BTBD7: variants seen among roughly 807,000 people sequenced by gnomAD.
BTBD7 encodes BTB/POZ domain-containing protein 7.
Under a neutral mutation model 99.9 loss-of-function variants are expected in BTBD7, and 38 were observed. The observed-to-expected ratio is 0.38, with a 90% CI of 0.29 to 0.50. BTBD7 has a LOEUF of 0.50. Ranked by LOEUF, BTBD7 falls within the 20% of genes least tolerant of loss-of-function variation. BTBD7 has a pLI of 0.93. For synonymous variants in BTBD7, 520 were observed against 511.4 expected, an observed-to-expected ratio of 1.02 and a Z score of -0.23; for missense variants, 1,170 against 1,394.6, an observed-to-expected ratio of 0.84 and a Z score of 2.57.
intron 3 of BTBD7, among the ~76,000 whole-genome samples, chr14:93,291,382 C>G (rs1016915743): frequency 2.6e-5 from 4 of 152,082 alleles, no homozygotes; most frequent in Non-Finnish European, 5.9e-5. Flanking sequence ...TAAGGTCAAA[C>G]TAAGACACGG....
intron 4 of BTBD7, among the ~76,000 whole-genome samples, chr14:93,262,697 T>C (rs1379116788): frequency 6.6e-6 from 1 of 152,124 alleles, no homozygotes; most frequent in African/African-American, 2.4e-5. Context: ...TACTGGTTAG[T>C]GAAGCACAAT....
chr14:93,315,613 C>T (rs1050165711), intron 1 of BTBD7, among the ~76,000 whole-genome samples: 8 of 152,172 alleles, frequency 5.3e-5, no homozygotes, highest in Non-Finnish European at 4.4e-5. Context: ...CTAATTTCTA[C>T]CTCTATTATT....
intron 1 of BTBD7, among the ~76,000 whole-genome samples, chr14:93,329,417 G>A (rs551784717): frequency 1.3e-4 from 20 of 152,186 alleles, no homozygotes; most frequent in Non-Finnish European, 2.6e-4. Flanking sequence ...GAACCCTTGT[G>A]CACTGCTGGT....
intron 1 of BTBD7, 107 bp from the exon 2 acceptor site, chr14:93,296,264 C>T (rs977842415): frequency 8.1e-6 from 6 of 742,984 alleles, no homozygotes; most frequent in African/African-American, 3.7e-5. Flanking sequence ...AATAACAACA[C>T]GCTGTCAAAT....
chr14:93,319,669 T>G (rs189656234), intron 1 of BTBD7, among the ~76,000 whole-genome samples: 22 of 152,316 alleles, frequency 1.4e-4, no homozygotes, highest in African/African-American at 4.3e-4. Flanking sequence ...TGCAGACTTA[T>G]TAATCAACGG....
At position 93,240,578 on chromosome 14, in the gene BTBD7, C is replaced by A. The variant is rs1245823099; in HGVS notation, c.*1695G>T. The A allele has an allele frequency of 6.6e-6, 1 of 152,530 alleles. No individual in the cohort carries two copies. The highest frequency in any genetic ancestry group is 1.5e-5 in the Non-Finnish European group (1 of 68,024). The allele number at this position is 152,530 out of a possible 1,614,324, so 9.4% of individuals were successfully genotyped here. On this transcript the variant is annotated 3_prime_UTR_variant, in exon 11 of 11. Coordinates refer to ENST00000334746, the MANE Select transcript of BTBD7 (RefSeq NM_001002860.4). ...TATACATACATAGAAAAGAGGATCC[C>A]AAATATCCTGCAGAGGAAGGAATGC... is the stretch of plus-strand genomic sequence containing the variant.
At chr14:93,324,388 C>T (rs946180431) in intron 1 of BTBD7, among the ~76,000 whole-genome samples, 1 of 147,468 alleles carries the variant, frequency 6.8e-6, no homozygotes, top group Non-Finnish European at 1.5e-5. Context: ...TATCACTGCA[C>T]TCCAGCCTGG....
At chr14:93,309,942 C>A (rs1408534730) in intron 1 of BTBD7, among the ~76,000 whole-genome samples, 1 of 149,282 alleles carries the variant, frequency 6.7e-6, no homozygotes, top group Non-Finnish European at 1.5e-5. Flanking sequence ...CAAGTTTCAA[C>A]CAACATTTAC....
intron 8 of BTBD7, among the ~76,000 whole-genome samples, chr14:93,249,596 T>C (rs2052349222): frequency 6.6e-6 from 1 of 152,220 alleles, no homozygotes. Flanking sequence ...GCTGTCTGCC[T>C]TTGTAAATAA....
intron 3 of BTBD7, among the ~76,000 whole-genome samples, chr14:93,266,755 T>C (rs1199213701): frequency 6.6e-6 from 1 of 152,214 alleles, no homozygotes; most frequent in East Asian, 1.9e-4. Flanking sequence ...AAACCGTTTC[T>C]ATAAGATGGT....
chr14:93,303,577 T>C (rs1248622700), intron 1 of BTBD7, among the ~76,000 whole-genome samples: 2 of 152,256 alleles, frequency 1.3e-5, no homozygotes, highest in Admixed American at 6.5e-5. Context: ...CTAGACGAAC[T>C]ACATCTTAAA....
chr14:93,304,842 T>C (rs1177225138), intron 1 of BTBD7, among the ~76,000 whole-genome samples: 2 of 152,224 alleles, frequency 1.3e-5, no homozygotes, highest in Non-Finnish European at 2.9e-5. Context: ...ATTGATAAGT[T>C]ACCATGGGTT....
At chr14:93,313,595 G>A (rs1360980945) in intron 1 of BTBD7, among the ~76,000 whole-genome samples, 1 of 151,900 alleles carries the variant, frequency 6.6e-6, no homozygotes, top group Non-Finnish European at 1.5e-5. Context: ...GAAATACAGA[G>A]AAATGAGTTG....
intron 1 of BTBD7, among the ~76,000 whole-genome samples, chr14:93,319,455 A>C (rs1442896511): frequency 6.6e-6 from 1 of 152,210 alleles, no homozygotes; most frequent in African/African-American, 2.4e-5. Flanking sequence ...GAAGAAGGAA[A>C]TATGGTGACA....
At chr14:93,244,247 T>C (rs1053904394) in intron 10 of BTBD7, 2 of 302,982 alleles carry the variant, frequency 6.6e-6, no homozygotes, top group South Asian at 3.3e-5. Context: ...TCTAAGAGGA[T>C]GCTGGCTATT....
chr14:93,250,083 T>C (rs1488426861), intron 8 of BTBD7, among the ~76,000 whole-genome samples: 1 of 152,142 alleles, frequency 6.6e-6, no homozygotes, highest in Non-Finnish European at 1.5e-5. Context: ...TAATACCATG[T>C]CCAAAGTCAT....
chr14:93,320,211 C>A (rs1245323641), intron 1 of BTBD7, among the ~76,000 whole-genome samples: 1 of 152,120 alleles, frequency 6.6e-6, no homozygotes, highest in East Asian at 1.9e-4. Context: ...AGTAAGTGGA[C>A]AGAATGATGT....
chr14:93,242,678 A>C lies in BTBD7; in HGVS notation c.2994T>G (p.Ser998=), dbSNP rs1305190171. Residue 998 remains serine, a synonymous_variant, in exon 11 of 11, where the codon TCT becomes TCG. Transcript: ENST00000334746. ...LKSAYLPGQT[S]PKKQEEARRE... ...TCCTAGCTTCTTCCTGTTTTTTAGG[A>C]GACGTCTGACCAGGTAGGTAGGCTG... 2 of 1,613,978 alleles carry C rather than the reference A, an allele frequency of 1.2e-6. No homozygotes were observed. Among genetic ancestry groups the C allele is most frequent in the Non-Finnish European group, 1.7e-6 (2 of 1,180,016 alleles).
chr14:93,294,861 T>C lies in BTBD7; in HGVS notation c.159A>G (p.Pro53=), dbSNP rs1259343613. ...LYSLDHGHEK[P]QDKKKRTSGL... is the part of the protein sequence containing the mutation. ...CAGAGGTTCTCTTTTTTTTGTCTTG[T>C]GGTTTCTCATGGCCATGGTCAAGGC... Residue 53 remains proline, a synonymous_variant, in exon 3 of 11, where the codon CCA becomes CCG. Coordinates refer to ENST00000334746, the MANE Select transcript of BTBD7 (RefSeq NM_001002860.4). 8 of 1,613,928 alleles carry C rather than the reference T, an allele frequency of 5.0e-6. No individual in the cohort carries two copies. The highest frequency in any genetic ancestry group is 6.8e-6 in the Non-Finnish European group (8 of 1,179,994).
Sources: gnomAD v4.1 joint callset for allele counts (sites outside exome capture counted in the v4.1 genomes callset) on GRCh38, gnomAD v4.1.1 for gene constraint, MANE v1.5 for transcripts, NCBI Gene and HGNC (gene_info 2026-07-23, HGNC 2026-07-21) for gene names.